Variants in NCKAP5 observed in about 807,000 individuals in gnomAD.
NCKAP5 encodes NCK associated protein 5.
NCKAP5 carries 92 observed loss-of-function variants against 167.0 expected under a neutral mutation model. That is an observed-to-expected ratio of 0.55 (90% CI 0.47 to 0.66). The LOEUF is 0.66. Ranked by LOEUF, NCKAP5 falls within the 30% of genes least tolerant of loss-of-function variation. The pLI is 0.00. For missense variants in NCKAP5, 2,378 were observed against 2,315.0 expected (o/e 1.03, Z -0.56); for synonymous variants, 891 against 877.4 (o/e 1.02, Z -0.27).
intron 3 of NCKAP5, among the ~76,000 whole-genome samples, chr2:133,323,002 T>C (rs1682168714): frequency 6.6e-6 from 1 of 152,184 alleles, no homozygotes; most frequent in African/African-American, 2.4e-5. Context: ...CTCTAGGATT[T>C]TGAGTATGGA....
chr2:133,235,679 T>C (rs911764299), intron 4 of NCKAP5, among the ~76,000 whole-genome samples: 2 of 151,990 alleles, frequency 1.3e-5, no homozygotes, highest in African/African-American at 2.4e-5. Context: ...CGAGGTGGCA[T>C]GGATCACCTG....
At chr2:132,767,315 C>G (rs145670838) in intron 16 of NCKAP5, among the ~76,000 whole-genome samples, 1 of 152,036 alleles carries the variant, frequency 6.6e-6, no homozygotes, top group Admixed American at 6.5e-5. Context: ...GGTGCAATCT[C>G]GGCTCACCGC....
At chr2:133,309,033 T>C (rs1332468242) in intron 3 of NCKAP5, among the ~76,000 whole-genome samples, 1 of 152,090 alleles carries the variant, frequency 6.6e-6, no homozygotes, top group African/African-American at 2.4e-5. Flanking sequence ...TCTTAAACTT[T>C]GTAAAGAATA....
intron 19 of NCKAP5, among the ~76,000 whole-genome samples, chr2:132,719,634 A>G (rs1189359811): frequency 1.3e-5 from 2 of 152,228 alleles, no homozygotes; most frequent in African/African-American, 4.8e-5. Context: ...GACAGGGTCT[A>G]GGGACAAAGG....
At chr2:133,574,043 A>C in the NCKAP5 span, among the ~76,000 whole-genome samples, 1 of 152,186 alleles carries the variant, frequency 6.6e-6, no homozygotes, top group Non-Finnish European at 1.5e-5. Context: ...GATTGTCTAA[A>C]TAGATAGACT....
At chr2:133,308,686 A>ATTTTTT (rs1559371090) in intron 3 of NCKAP5, among the ~76,000 whole-genome samples, 2 of 118,800 alleles carry the variant, frequency 1.7e-5, no homozygotes, top group African/African-American at 6.2e-5. Flanking sequence ...AAGAAATACA[A>ATTTTTT]TTCTTTTTTT....
intron 15 of NCKAP5, among the ~76,000 whole-genome samples, chr2:132,776,855 C>T (rs1325961281): frequency 1.3e-5 from 2 of 151,970 alleles, no homozygotes; most frequent in East Asian, 1.9e-4. Flanking sequence ...GGAGTTTTCC[C>T]GGGAGTAAGA....
chr2:133,036,578 T>C (rs1055694441), intron 6 of NCKAP5, among the ~76,000 whole-genome samples: 5 of 152,060 alleles, frequency 3.3e-5, no homozygotes, highest in Admixed American at 6.6e-5. Flanking sequence ...CACATGATCA[T>C]TTCAATTGAT....
chr2:133,085,648 C>T (rs1280488901), intron 6 of NCKAP5, among the ~76,000 whole-genome samples: 1 of 152,062 alleles, frequency 6.6e-6, no homozygotes, highest in African/African-American at 2.4e-5. Context: ...TCAAATATGG[C>T]CTGTATAAGT....
At chr2:132,894,733 C>T (rs1231202881) in intron 8 of NCKAP5, among the ~76,000 whole-genome samples, 1 of 152,142 alleles carries the variant, frequency 6.6e-6, no homozygotes, top group Non-Finnish European at 1.5e-5. Context: ...CCACTCAGGA[C>T]CCCTGGCCTT....
At chr2:133,542,991 T>C (rs940416061) in intron 2 of NCKAP5, among the ~76,000 whole-genome samples, 1 of 152,196 alleles carries the variant, frequency 6.6e-6, no homozygotes, top group African/African-American at 2.4e-5. Context: ...AATGAGATCA[T>C]TTATATGAAG....
chr2:133,122,218 C>T (rs1185176961), intron 6 of NCKAP5: 1 of 152,082 alleles, frequency 6.6e-6, no homozygotes, highest in Non-Finnish European at 1.5e-5. Context: ...AGTGGATTTT[C>T]TATAAACCAC....
chr2:132,680,158 G>T (rs72844750), intron 19 of NCKAP5, among the ~76,000 whole-genome samples: 1 of 151,920 alleles, frequency 6.6e-6, no homozygotes. Flanking sequence ...ACTTTCTCCC[G>T]GTGCTCGGTT....
intron 8 of NCKAP5, among the ~76,000 whole-genome samples, chr2:132,946,722 C>G (rs576884618): frequency 6.6e-6 from 1 of 152,170 alleles, no homozygotes; most frequent in Admixed American, 6.5e-5. Flanking sequence ...CATGACGAAA[C>G]CCTGTCTCTA....
At chr2:132,893,549 AAC>A (rs1692895567) in intron 8 of NCKAP5, among the ~76,000 whole-genome samples, 1 of 152,230 alleles carries the variant, frequency 6.6e-6, no homozygotes. Flanking sequence ...CATATATTTA[AAC>A]ACACACACAA....
chr2:133,295,675 G>C (rs543411937), intron 4 of NCKAP5, among the ~76,000 whole-genome samples: 1 of 152,186 alleles, frequency 6.6e-6, no homozygotes, highest in South Asian at 2.1e-4. Flanking sequence ...CACAACTGAG[G>C]GATACTACTG....
At chr2:133,571,400 A>G (rs1330527904), upstream of NCKAP5, among the ~76,000 whole-genome samples, 1 of 151,882 alleles carries the variant, frequency 6.6e-6, no homozygotes. Flanking sequence ...CACCACCTCT[A>G]CCTACTAGGT....
chr2:133,448,470 ACTAAAT>A (rs1286203421), intron 3 of NCKAP5, among the ~76,000 whole-genome samples: 1 of 152,212 alleles, frequency 6.6e-6, no homozygotes, highest in East Asian at 1.9e-4. Context: ...GGAAAGACTT[ACTAAAT>A]CTAAAACAAA....
At chr2:133,018,661 C>T (rs2078426392) in intron 6 of NCKAP5, among the ~76,000 whole-genome samples, 1 of 152,110 alleles carries the variant, frequency 6.6e-6, no homozygotes, top group South Asian at 2.1e-4. Flanking sequence ...CTAAGTGCTC[C>T]AGAAATGTAT....
Sources: allele counts gnomAD v4.1 joint callset (sites outside exome capture counted in the v4.1 genomes callset), GRCh38; gene constraint gnomAD v4.1.1; transcripts MANE v1.5; gene names NCBI Gene and HGNC (gene_info 2026-07-23, HGNC 2026-07-21).